EIPR1: variants seen among roughly 807,000 people sequenced by gnomAD.
EIPR1 encodes EARP and GARP complex-interacting protein 1.
Under a neutral mutation model 48.1 loss-of-function variants are expected in EIPR1, and 25 were observed. The ratio of observed to expected loss-of-function variants is 0.52; its 90% confidence interval spans 0.38 to 0.73. The LOEUF is 0.73. Among genes scored for constraint, EIPR1 ranks in the 30% least tolerant of loss-of-function variants. EIPR1 has a pLI of 0.00. For missense variants in EIPR1, 415 were observed against 506.2 expected, an observed-to-expected ratio of 0.82 and a Z score of 1.73; for synonymous variants, 204 against 201.9, an observed-to-expected ratio of 1.01 and a Z score of -0.09.
intron 2 of EIPR1, among the ~76,000 whole-genome samples, chr2:3,350,132 A>AAC (rs1670527666): frequency 6.6e-6 from 1 of 151,176 alleles, no homozygotes; most frequent in Non-Finnish European, 1.5e-5. Context: ...AAAAAAAAAA[A>AAC]AAAAAAAAAA....
At chr2:3,243,751 C>G (rs768297010) in intron 4 of EIPR1, among the ~76,000 whole-genome samples, 2 of 152,156 alleles carry the variant, frequency 1.3e-5, no homozygotes, top group African/African-American at 4.8e-5. Flanking sequence ...CCTAATCACC[C>G]AGCCCTCCAT....
chr2:3,201,962 A>C (rs1665050663), intron 5 of EIPR1, among the ~76,000 whole-genome samples: 1 of 152,174 alleles, frequency 6.6e-6, no homozygotes, highest in Non-Finnish European at 1.5e-5. Context: ...TTTGAGACGG[A>C]GTCTCACTCT....
chr2:3,237,970 A>G (rs910382100), intron 4 of EIPR1, among the ~76,000 whole-genome samples: 10 of 152,102 alleles, frequency 6.6e-5, no homozygotes, highest in African/African-American at 2.2e-4. Flanking sequence ...GGTGAAGGAC[A>G]TTTCTGGTTT....
At chr2:3,215,090 ACGC>A (rs530838151) in intron 4 of EIPR1, among the ~76,000 whole-genome samples, 26 of 152,320 alleles carry the variant, frequency 1.7e-4, no homozygotes, top group African/African-American at 5.5e-4. Context: ...TTTCATGTTG[ACGC>A]CGCCCAGCGT....
chr2:3,299,618 T>A (rs1281966644), intron 3 of EIPR1, among the ~76,000 whole-genome samples: 34 of 126,066 alleles, frequency 2.7e-4, no homozygotes, highest in African/African-American at 8.2e-4. Flanking sequence ...TCTCTCTCTC[T>A]CTCTCTCACA....
rs1572428260 is a variant in EIPR1 at position 3,312,906 on chromosome 2, G to A, written c.259+25111C>T. 6.6e-6 allele frequency among the ~76,000 whole-genome samples: 1 copy of A among 152,188 alleles called. No homozygotes were observed. The highest frequency in any genetic ancestry group is 1.5e-5 in the Non-Finnish European group (1 of 68,042). ...TCACCAGATTGAGAAATAAAAACTT[G>A]GCACAGGACTGACTGACACTGAAAA... On this transcript the variant is annotated intron_variant, in intron 3 of 8. Transcript: ENST00000382125. The surrounding 1 kb of genome is among the most constrained non-coding windows in gnomAD (Gnocchi z 5.5).
chr2:3,208,429 G>A (rs1189511544), intron 5 of EIPR1: 1 of 1,473,380 alleles, frequency 6.8e-7, no homozygotes, highest in African/African-American at 1.4e-5. Flanking sequence ...GTCACCTTCA[G>A]ACACTTCCTC....
At chr2:3,194,614 T>TTA (rs964056880) in intron 6 of EIPR1, among the ~76,000 whole-genome samples, 19 of 151,774 alleles carry the variant, frequency 1.3e-4, no homozygotes, top group East Asian at 3.9e-4. Flanking sequence ...TTGGGAAATT[T>TTA]TATATATATA....
intron 3 of EIPR1, among the ~76,000 whole-genome samples, chr2:3,321,116 C>T (rs753209965): frequency 3.9e-5 from 6 of 152,166 alleles, no homozygotes; most frequent in Non-Finnish European, 7.3e-5. Context: ...CGCAGCCTCC[C>T]GGCCCAGGGA....
intron 3 of EIPR1, among the ~76,000 whole-genome samples, chr2:3,323,286 A>G (rs544396166): frequency 9.2e-5 from 14 of 152,296 alleles, no homozygotes; most frequent in African/African-American, 3.4e-4. Context: ...CCAGCCAGGA[A>G]CGAGGCTTCT....
intron 3 of EIPR1, among the ~76,000 whole-genome samples, chr2:3,267,047 A>T (rs1045276095): frequency 1.3e-5 from 2 of 152,180 alleles, no homozygotes; most frequent in African/African-American, 4.8e-5. Flanking sequence ...CCCTGAATCA[A>T]TGCCAGTCCT....
intron 5 of EIPR1, among the ~76,000 whole-genome samples, chr2:3,213,323 T>C (rs1207852332): frequency 6.6e-6 from 1 of 152,216 alleles, no homozygotes; most frequent in Non-Finnish European, 1.5e-5. Context: ...AACCACATTT[T>C]AAAGGAGAAA....
At chr2:3,202,140 T>G (rs1415942772) in intron 5 of EIPR1, among the ~76,000 whole-genome samples, 1 of 152,122 alleles carries the variant, frequency 6.6e-6, no homozygotes, top group Non-Finnish European at 1.5e-5. Context: ...GGTTTCACCA[T>G]GTTAGCCAGG....
intron 5 of EIPR1, among the ~76,000 whole-genome samples, chr2:3,209,291 A>G (rs559228879): frequency 2.0e-5 from 3 of 152,316 alleles, no homozygotes; most frequent in African/African-American, 7.2e-5. Flanking sequence ...ATAAGGCCCC[A>G]GAAGAGCCCA....
Position 3,189,363 on chromosome 2 carries a change from T to C in EIPR1, c.1135A>G (p.Arg379Gly). The part of the protein sequence containing the change: ...DGRLVINRVP[R>G]ALKYHILL ...AGCAGGATGTGGTACTTCAGGGCCC[T>C]GGGCACCCTGTTGATCACGAGCCTC... Residue 379 changes from arginine (R) to glycine (G), a missense_variant, in exon 9 of 9, where the codon AGG becomes GGG. Arg to Gly is a moderately radical substitution (Grantham distance 125). Coordinates refer to ENST00000382125, the MANE Select transcript of EIPR1 (RefSeq NM_003310.5). This position sits in a 1 kb window ranked among gnomAD's most constrained non-coding sequence, Gnocchi z 4.6. 6.2e-7 allele frequency: 1 copy of C among 1,600,592 alleles called. No individual in the cohort carries two copies. Among genetic ancestry groups the C allele is most frequent in the Non-Finnish European group, 8.5e-7 (1 of 1,171,520 alleles).
chr2:3,314,656 C>CT (rs1173957298), intron 3 of EIPR1, among the ~76,000 whole-genome samples: 4 of 151,946 alleles, frequency 2.6e-5, no homozygotes, highest in African/African-American at 9.7e-5. Flanking sequence ...CTTGTGTCCC[C>CT]TCCCAATCCC....
chr2:3,208,310 G>C, intron 5 of EIPR1: 1 of 628,340 alleles, frequency 1.6e-6, no homozygotes, highest in Non-Finnish European at 2.7e-6. Context: ...AGGAGGACAG[G>C]AGAGGTCTGG....
intron 3 of EIPR1, among the ~76,000 whole-genome samples, chr2:3,295,184 C>T (rs939955327): frequency 1.4e-5 from 2 of 146,792 alleles, no homozygotes; most frequent in African/African-American, 2.5e-5. Flanking sequence ...CTCCATATAG[C>T]TTGTCCTCTC....
At chr2:3,200,170 G>A (rs916926734) in intron 5 of EIPR1, among the ~76,000 whole-genome samples, 3 of 152,040 alleles carry the variant, frequency 2.0e-5, no homozygotes, top group African/African-American at 2.4e-5. Flanking sequence ...GGGTGTTGCC[G>A]AGGAGTGGAC....
Sources: gnomAD v4.1 joint callset for allele counts (sites outside exome capture counted in the v4.1 genomes callset) on GRCh38, gnomAD v4.1.1 for gene constraint, Gnocchi (gnomAD v3.1) non-coding constraint, MANE v1.5 for transcripts, NCBI Gene and HGNC (gene_info 2026-07-23, HGNC 2026-07-21) for gene names.